Variants in GMCL1 observed in about 807,000 individuals in gnomAD.
GMCL1 encodes the protein germ cell-less 1, spermatogenesis associated.
GMCL1 carries 54 observed loss-of-function variants against 75.5 expected under a neutral mutation model. That is an observed-to-expected ratio of 0.71 (90% confidence interval 0.57 to 0.90). GMCL1 has a LOEUF of 0.90. Among genes scored for constraint, GMCL1 ranks in the 40% least tolerant of loss-of-function variants. GMCL1 has a pLI of 0.00. For missense variants in GMCL1, 537 were observed against 622.7 expected (o/e 0.86, Z 1.47); for synonymous variants, 210 against 209.6 (o/e 1.00, Z -0.02).
In GMCL1 at chr2:69,841,035, A is replaced by G. The variant is rs757188616; in HGVS notation, c.575A>G (p.Gln192Arg). The G allele has an allele frequency of 6.2e-7, 1 of 1,610,266 alleles. No homozygotes were observed. The highest frequency in any genetic ancestry group is 8.5e-7 in the Non-Finnish European group (1 of 1,176,466). Residue 192 changes from glutamine (Q) to arginine (R), a missense_variant, in exon 4 of 14, where the codon CAG (glutamine) becomes CGG (arginine). Coordinates refer to ENST00000282570, the MANE Select transcript of GMCL1 (RefSeq NM_178439.5). ...VAILAAACLL[Q>R]LDGLIQQCGE... ...ATTTTGGCAGCAGCTTGTTTGCTGC[A>G]GTTGGTAAGTATGCACGTTATTCGA...
chr2:69,861,396 AT>A, intron 10 of GMCL1, 49 bp downstream of exon 10: 2 of 1,145,912 alleles, frequency 1.7e-6, no homozygotes, highest in Non-Finnish European at 2.6e-6. Context: ...TTTGCTATGA[AT>A]TTTTTAATGC....
intron 8 of GMCL1, among the ~76,000 whole-genome samples, chr2:69,851,436 C>T (rs1480699939): frequency 2.0e-5 from 3 of 152,102 alleles, no homozygotes; most frequent in African/African-American, 7.2e-5. Flanking sequence ...ATGGTGAAAC[C>T]CTGTCTCTAC....
At chr2:69,867,787 A>G (rs952606784) in intron 11 of GMCL1, among the ~76,000 whole-genome samples, 1 of 152,208 alleles carries the variant, frequency 6.6e-6, no homozygotes, top group Admixed American at 6.5e-5. Flanking sequence ...TGTGGTAACC[A>G]TGAACTTGAA....
At chr2:69,844,280 A>T in intron 6 of GMCL1, 84 bp downstream of exon 6, 1 of 735,894 alleles carries the variant, frequency 1.4e-6, no homozygotes, top group Non-Finnish European at 2.3e-6. Context: ...TTTTTGTAGA[A>T]CACAAAAATA....
intron 8 of GMCL1, among the ~76,000 whole-genome samples, chr2:69,850,403 G>C (rs1353358758): frequency 6.6e-6 from 1 of 152,128 alleles, no homozygotes; most frequent in Non-Finnish European, 1.5e-5. Flanking sequence ...TCTAGAAAAA[G>C]TATTTTTTAC....
Position 69,870,471 on chromosome 2 carries a change from A to G in GMCL1, c.1364+607A>G, listed in dbSNP as rs564913709. 5.3e-5 allele frequency among the ~76,000 whole-genome samples: 8 copies of G among 152,320 alleles called. No homozygotes were observed. The South Asian group carries it at 1.7e-3, about 32-fold the overall frequency. On this transcript the variant is annotated intron_variant, in intron 12 of 13. Coordinates refer to ENST00000282570, the MANE Select transcript of GMCL1 (RefSeq NM_178439.5). ...ATTTGGCAGTGATTTCTTCCATAAG[A>G]CACCCAAGCACAGGCAACAAAAGAA... is the stretch of plus-strand genomic sequence containing the variant.
At chr2:69,857,015 A>G (rs1675490532) in intron 9 of GMCL1, among the ~76,000 whole-genome samples, 1 of 152,162 alleles carries the variant, frequency 6.6e-6, no homozygotes, top group Non-Finnish European at 1.5e-5. Flanking sequence ...CTTTCTTCCT[A>G]AAACCTGGAT....
At chr2:69,841,281 A>G (rs1674977897) in intron 4 of GMCL1, among the ~76,000 whole-genome samples, 1 of 151,786 alleles carries the variant, frequency 6.6e-6, no homozygotes, top group Non-Finnish European at 1.5e-5. Context: ...ATATCTTAGT[A>G]TGACTATAAT....
At chr2:69,864,590 C>CTTTTTTTTTTTTTTTTTTTTTTTTTTTAT (rs534389389) in intron 10 of GMCL1, among the ~76,000 whole-genome samples, 1 of 88,362 alleles carries the variant, frequency 1.1e-5, no homozygotes, top group Non-Finnish European at 2.2e-5. Context: ...TAGACTTTTA[C>CTTTTTTTTTTTTTTTTTTTTTTTTTTTAT]TTTTTTTTTT....
chr2:69,874,365 T>TTTTG (rs111961146), intron 13 of GMCL1, among the ~76,000 whole-genome samples: 11,604 of 151,996 alleles, frequency 0.076, 1,153 homozygotes, highest in Admixed American at 0.22. Context: ...TTTCATTTCT[T>TTTTG]TTTGTTTGTT....
rs140994618 is a variant in GMCL1, at chr2:69,858,085, C to T, written c.1072+3125C>T. Among the ~76,000 whole-genome samples the T allele has an allele frequency of 7.2e-4, 110 of 152,164 alleles. 3 individuals carry two copies. In the East Asian group the frequency reaches 0.02, roughly 27 times the overall value. ...ATTGGGAAAATACTGGGTTTATATT[C>T]AAAACTGCTGTAGACTAGATCACAG... On this transcript the variant is annotated intron_variant, in intron 9 of 13. Transcript: ENST00000282570.
chr2:69,832,452 A>G (rs1400239049), intron 1 of GMCL1, among the ~76,000 whole-genome samples: 1 of 151,330 alleles, frequency 6.6e-6, no homozygotes, highest in Non-Finnish European at 1.5e-5. Flanking sequence ...TAATTTAGCC[A>G]CTACCACATA....
intron 8 of GMCL1, among the ~76,000 whole-genome samples, chr2:69,853,766 A>G (rs953412501): frequency 2.3e-4 from 21 of 90,498 alleles, no homozygotes; most frequent in African/African-American, 6.9e-4. Context: ...TCCCTAAAAG[A>G]AAAAAAATTA....
chr2:69,838,609 T>A (rs1455348399), intron 2 of GMCL1, among the ~76,000 whole-genome samples: 1 of 152,224 alleles, frequency 6.6e-6, no homozygotes, highest in African/African-American at 2.4e-5. Context: ...ATTTTAATCA[T>A]GTTTTAAAAT....
At chr2:69,853,914 G>A (rs1050562177) in intron 8 of GMCL1, among the ~76,000 whole-genome samples, 6 of 151,602 alleles carry the variant, frequency 4.0e-5, no homozygotes, top group African/African-American at 1.5e-4. Flanking sequence ...GCAATTCTCT[G>A]CCTCAGCCTC....
intron 9 of GMCL1, among the ~76,000 whole-genome samples, chr2:69,856,862 AT>A (rs1434096308): frequency 1.3e-5 from 2 of 151,708 alleles, no homozygotes; most frequent in Non-Finnish European, 2.9e-5. Flanking sequence ...TTAGACACTT[AT>A]TTTACTGTCT....
intron 5 of GMCL1, 61 bp downstream of exon 5, chr2:69,843,322 T>G: frequency 2.4e-6 from 2 of 844,086 alleles, no homozygotes; most frequent in South Asian, 2.9e-5. Flanking sequence ...TGCTTTAGTT[T>G]CTTAAGAGAA....
Position 69,869,825 on chromosome 2 carries a change from G to T in GMCL1, c.1325G>T (p.Gly442Val). Residue 442 changes from glycine (G) to valine (V), a missense_variant, in exon 12 of 14, where the codon GGA becomes GTA. By Grantham distance (109) the Gly-to-Val change is moderately radical (BLOSUM62 -3). Coordinates refer to ENST00000282570, the MANE Select transcript of GMCL1 (RefSeq NM_178439.5). ...KRNTLNQPCS[G>V]SVSLQPRRSI... ...AATACACTGAATCAGCCATGTAGCG[G>T]ATCTGTCAGTTTACAGCCTCGAAGG... The T allele has an allele frequency of 6.2e-7, 1 of 1,613,890 alleles. No individual in the cohort carries two copies. Among genetic ancestry groups the T allele is most frequent in the Non-Finnish European group, 8.5e-7 (1 of 1,179,968 alleles).
chr2:69,865,245 AAAG>A (rs1368249666), intron 11 of GMCL1, among the ~76,000 whole-genome samples: 1 of 152,246 alleles, frequency 6.6e-6, no homozygotes, highest in Non-Finnish European at 1.5e-5. Context: ...AAATTAAGAT[AAAG>A]AAGAAATTGT....
Sources: allele counts gnomAD v4.1 joint callset (sites outside exome capture counted in the v4.1 genomes callset), GRCh38; gene constraint gnomAD v4.1.1; transcripts MANE v1.5; gene names NCBI Gene and HGNC (gene_info 2026-07-23, HGNC 2026-07-21).